Variants in FSTL4 observed in about 807,000 individuals in gnomAD.
FSTL4 encodes follistatin-related protein 4.
A neutral mutation model predicts 78.2 loss-of-function variants in FSTL4; 28 were observed. The observed-to-expected ratio is 0.36, with a 90% confidence interval of 0.27 to 0.49. FSTL4 has a LOEUF of 0.49. Among genes scored for constraint, FSTL4 ranks in the 20% least tolerant of loss-of-function variants. FSTL4 has a pLI of 0.98. For missense variants in FSTL4, 922 were observed against 1,084.9 expected (o/e 0.85, Z 2.11); for synonymous variants, 422 against 440.5 (o/e 0.96, Z 0.53).
At chr5:133,382,234 C>T (rs530838415) in intron 4 of FSTL4, among the ~76,000 whole-genome samples, 1 of 152,364 alleles carries the variant, frequency 6.6e-6, no homozygotes, top group South Asian at 2.1e-4. Flanking sequence ...ACATCACTGA[C>T]TGCAGAAGGC....
At chr5:133,678,463 G>A in the FSTL4 span, among the ~76,000 whole-genome samples, 1 of 152,078 alleles carries the variant, frequency 6.6e-6, no homozygotes, top group East Asian at 1.9e-4. Flanking sequence ...AGCCAACAAG[G>A]GTAATCCCAA....
At chr5:133,737,539 T>C in the FSTL4 span, among the ~76,000 whole-genome samples, 2 of 152,124 alleles carry the variant, frequency 1.3e-5, no homozygotes, top group East Asian at 1.9e-4. Flanking sequence ...CCAAATCTTA[T>C]CTATTATGAA....
At chr5:133,449,452 T>A (rs550603005) in intron 3 of FSTL4, among the ~76,000 whole-genome samples, 48 of 152,226 alleles carry the variant, frequency 3.2e-4, no homozygotes, top group African/African-American at 1.1e-3. Context: ...CATGGCCAAA[T>A]AGTCTAACAC....
chr5:133,817,069 T>A, the FSTL4 span, among the ~76,000 whole-genome samples: 2 of 152,252 alleles, frequency 1.3e-5, no homozygotes, highest in Non-Finnish European at 2.9e-5. Context: ...TGGGCCAACC[T>A]GAGAAAGCAA....
the FSTL4 span, among the ~76,000 whole-genome samples, chr5:133,734,916 C>T: frequency 1.3e-5 from 2 of 152,190 alleles, no homozygotes; most frequent in Non-Finnish European, 2.9e-5. Context: ...GTACGTAAAC[C>T]CTCACCATCA....
chr5:133,606,190 G>A (rs1232079379), intron 1 of FSTL4, among the ~76,000 whole-genome samples: 2 of 152,150 alleles, frequency 1.3e-5, no homozygotes, highest in African/African-American at 4.8e-5. Context: ...GTGCGATCTC[G>A]GCTCACTGCA....
chr5:133,269,514 C>T (rs1561650904), intron 6 of FSTL4, among the ~76,000 whole-genome samples: 1 of 152,168 alleles, frequency 6.6e-6, no homozygotes, highest in Non-Finnish European at 1.5e-5. Context: ...GGAAAGAAAA[C>T]CGAGGAACAT....
the FSTL4 span, among the ~76,000 whole-genome samples, chr5:133,789,348 A>G: frequency 6.6e-6 from 1 of 152,258 alleles, no homozygotes; most frequent in African/African-American, 2.4e-5. Context: ...AATATCAGGC[A>G]TTAGCAAGAT....
intron 2 of FSTL4, among the ~76,000 whole-genome samples, chr5:133,576,843 C>T (rs1336655812): frequency 6.6e-6 from 1 of 152,188 alleles, no homozygotes; most frequent in Non-Finnish European, 1.5e-5. Context: ...CTGAGATGTT[C>T]TTAAAATGAA....
chr5:133,759,604 C>T, the FSTL4 span, among the ~76,000 whole-genome samples: 1 of 152,164 alleles, frequency 6.6e-6, no homozygotes. Flanking sequence ...TAGCACTATA[C>T]AAGTATACAA....
the FSTL4 span, among the ~76,000 whole-genome samples, chr5:133,782,023 T>C: frequency 9.7e-4 from 148 of 152,284 alleles, no homozygotes; most frequent in African/African-American, 3.4e-3. Flanking sequence ...GCTGACACAA[T>C]TACCCATCAA....
chr5:133,467,009 T>A (rs1297142503), intron 3 of FSTL4, among the ~76,000 whole-genome samples: 2 of 151,726 alleles, frequency 1.3e-5, no homozygotes, highest in Non-Finnish European at 2.9e-5. Flanking sequence ...AGTGTATGAG[T>A]GTGTGAGCAT....
At chr5:133,279,427 C>T (rs551105412) in intron 6 of FSTL4, among the ~76,000 whole-genome samples, 4 of 152,358 alleles carry the variant, frequency 2.6e-5, no homozygotes, top group East Asian at 3.9e-4. Context: ...TGTGGAAAAA[C>T]GGTCTTCCAG....
intron 4 of FSTL4, among the ~76,000 whole-genome samples, chr5:133,397,459 C>T (rs773704393): frequency 5.9e-5 from 9 of 152,204 alleles, no homozygotes; most frequent in Admixed American, 1.3e-4. Flanking sequence ...GTTGATTTCC[C>T]GTACATGCTA....
At chr5:133,241,590 C>T (rs1751875717) in intron 7 of FSTL4, among the ~76,000 whole-genome samples, 2 of 152,226 alleles carry the variant, frequency 1.3e-5, no homozygotes, top group Admixed American at 1.3e-4. Context: ...GGGGTGGCAG[C>T]TAATGGGGCC....
At chr5:133,369,324 C>A (rs1227352805) in intron 4 of FSTL4, among the ~76,000 whole-genome samples, 1 of 152,232 alleles carries the variant, frequency 6.6e-6, no homozygotes, top group East Asian at 1.9e-4. Context: ...TAATTTGCAG[C>A]ATGGGCGGTC....
chr5:133,549,328 A>G (rs1003563635), intron 3 of FSTL4, among the ~76,000 whole-genome samples: 1 of 152,034 alleles, frequency 6.6e-6, no homozygotes, highest in Non-Finnish European at 1.5e-5. Context: ...AGTTCTCTTC[A>G]GTTATGCCCT....
At chr5:133,627,077 T>A in the FSTL4 span, among the ~76,000 whole-genome samples, 1 of 151,930 alleles carries the variant, frequency 6.6e-6, no homozygotes, top group East Asian at 1.9e-4. Context: ...TTATGCTGCA[T>A]ACACATTTAG....
chr5:133,716,167 T>G, the FSTL4 span, among the ~76,000 whole-genome samples: 22 of 152,246 alleles, frequency 1.4e-4, no homozygotes, highest in African/African-American at 4.8e-4. Context: ...TGACTGAGTG[T>G]CTAAGAATGG....
Sources: allele counts gnomAD v4.1 joint callset (sites outside exome capture counted in the v4.1 genomes callset), GRCh38; gene constraint gnomAD v4.1.1; transcripts MANE v1.5; gene names NCBI Gene and HGNC (gene_info 2026-07-23, HGNC 2026-07-21).